The following CDH20 variants were observed in gnomAD, a reference collection of about 807,000 sequenced individuals.
The protein encoded by CDH20 is cadherin 20.
In CDH20, 29 loss-of-function variants were observed where a neutral mutation model predicts 74.2. The ratio of observed to expected loss-of-function variants is 0.39; its 90% CI spans 0.29 to 0.53. The LOEUF is 0.53. Ranked by LOEUF, CDH20 falls within the 20% of genes least tolerant of loss-of-function variation. The pLI is 0.69. For synonymous variants in CDH20, 469 were observed against 405.4 expected (o/e 1.16, Z -1.88); for missense variants, 988 against 1,048.3 (o/e 0.94, Z 0.79).
chr18:61,350,201 G>C (rs1910258785), intron 1 of CDH20, among the ~76,000 whole-genome samples: 1 of 152,028 alleles, frequency 6.6e-6, no homozygotes, highest in Non-Finnish European at 1.5e-5. Context: ...AGTGTTTATT[G>C]CTGTCTTCTT....
intron 6 of CDH20, among the ~76,000 whole-genome samples, chr18:61,526,116 G>C (rs915810325): frequency 7.4e-6 from 1 of 134,710 alleles, no homozygotes; most frequent in African/African-American, 2.8e-5. Context: ...TGGCCAAAAA[G>C]TTGACTTTTT....
intron 9 of CDH20, among the ~76,000 whole-genome samples, chr18:61,541,159 T>C (rs1046567524): frequency 3.3e-5 from 5 of 152,222 alleles, no homozygotes; most frequent in African/African-American, 1.2e-4. Flanking sequence ...TCATGTAAAA[T>C]TATGACTGCA....
chr18:61,369,947 A>G (rs1314446400), intron 1 of CDH20, among the ~76,000 whole-genome samples: 1 of 152,074 alleles, frequency 6.6e-6, no homozygotes, highest in East Asian at 1.9e-4. Context: ...AGGATCACGA[A>G]AAATAACTAA....
At chr18:61,547,036 T>G (rs1489714360) in intron 10 of CDH20, among the ~76,000 whole-genome samples, 2 of 152,166 alleles carry the variant, frequency 1.3e-5, no homozygotes, top group Non-Finnish European at 2.9e-5. Context: ...GAAAAACATA[T>G]TTTAAAAATT....
intron 6 of CDH20, among the ~76,000 whole-genome samples, chr18:61,510,969 T>C (rs1428069271): frequency 4.2e-5 from 1 of 23,882 alleles, no homozygotes; most frequent in African/African-American, 1.8e-4. Flanking sequence ...TTTTTCTTTC[T>C]TTCTTTCTTT....
intron 1 of CDH20, among the ~76,000 whole-genome samples, chr18:61,376,388 AAACT>A (rs1182790959): frequency 6.6e-6 from 1 of 152,162 alleles, no homozygotes; most frequent in Non-Finnish European, 1.5e-5. Flanking sequence ...ACTTTTCTCC[AAACT>A]ACTAGTAGTA....
At chr18:61,457,961 G>A (rs1364746150) in intron 1 of CDH20, among the ~76,000 whole-genome samples, 1 of 152,110 alleles carries the variant, frequency 6.6e-6, no homozygotes, top group Non-Finnish European at 1.5e-5. Context: ...CTCCTTTTAT[G>A]AGTAAAGGAG....
intron 1 of CDH20, among the ~76,000 whole-genome samples, chr18:61,361,747 AT>A (rs765940637): frequency 7.2e-5 from 11 of 151,950 alleles, no homozygotes; most frequent in East Asian, 3.9e-4. Context: ...CTTATTTAAA[AT>A]TTTTTTTCAT....
chr18:61,448,394 T>C (rs1483581000), intron 1 of CDH20, among the ~76,000 whole-genome samples: 1 of 152,136 alleles, frequency 6.6e-6, no homozygotes, highest in Non-Finnish European at 1.5e-5. Context: ...GGCACAAACA[T>C]CTTGAGTTTC....
chr18:61,402,377 C>T (rs886810359), intron 1 of CDH20, among the ~76,000 whole-genome samples: 2 of 152,138 alleles, frequency 1.3e-5, no homozygotes, highest in Non-Finnish European at 2.9e-5. Flanking sequence ...ACATAGATTT[C>T]CCCTGCCAGC....
chr18:61,535,527 C>T (rs1912791940), intron 7 of CDH20, among the ~76,000 whole-genome samples: 1 of 152,100 alleles, frequency 6.6e-6, no homozygotes, highest in Non-Finnish European at 1.5e-5. Flanking sequence ...TGAGATAACA[C>T]AACAGAATTG....
chr18:61,499,671 T>G (rs962623239), intron 3 of CDH20, among the ~76,000 whole-genome samples, 191 bp downstream of exon 3: 1 of 152,206 alleles, frequency 6.6e-6, no homozygotes, highest in Non-Finnish European at 1.5e-5. Flanking sequence ...GGAAGCTATA[T>G]AGACATTGGA....
At chr18:61,407,747 C>T (rs1221082601) in intron 1 of CDH20, among the ~76,000 whole-genome samples, 1 of 152,150 alleles carries the variant, frequency 6.6e-6, no homozygotes, top group Non-Finnish European at 1.5e-5. Flanking sequence ...AATTGGGGAA[C>T]ATTCTATCAA....
chr18:61,442,268 T>C (rs1291809193), intron 1 of CDH20, among the ~76,000 whole-genome samples: 1 of 151,730 alleles, frequency 6.6e-6, no homozygotes, highest in African/African-American at 2.4e-5. Flanking sequence ...GGAGGATCTC[T>C]TGAACCTAGG....
chr18:61,347,543 A>C (rs2014207), intron 1 of CDH20, among the ~76,000 whole-genome samples: 101,749 of 148,884 alleles, frequency 0.68, 35,023 homozygotes, highest in East Asian at 0.79. Flanking sequence ...AACAAACAAA[A>C]AAAAAACCAC....
intron 1 of CDH20, among the ~76,000 whole-genome samples, chr18:61,417,182 A>G (rs972714899): frequency 6.6e-6 from 1 of 152,200 alleles, no homozygotes; most frequent in Non-Finnish European, 1.5e-5. Flanking sequence ...TGGCTTTCAC[A>G]AAGAAATCAT....
intron 1 of CDH20, among the ~76,000 whole-genome samples, chr18:61,484,704 T>C (rs1326178468): frequency 2.6e-5 from 4 of 151,360 alleles, no homozygotes; most frequent in South Asian, 2.1e-4. Context: ...AATTATATAA[T>C]TCAAGCTTTC....
chr18:61,534,750 G>T (rs1301107311), intron 7 of CDH20, among the ~76,000 whole-genome samples: 1 of 152,166 alleles, frequency 6.6e-6, no homozygotes, highest in Non-Finnish European at 1.5e-5. Context: ...GGGTAAAAAG[G>T]AAAAAGAATC....
chr18:61,457,528 C>T (rs778468692), intron 1 of CDH20, among the ~76,000 whole-genome samples: 5 of 152,146 alleles, frequency 3.3e-5, no homozygotes, highest in Non-Finnish European at 7.4e-5. Context: ...AATATGACTA[C>T]TTCTTCCTAG....
Sources: allele counts gnomAD v4.1 joint callset (sites outside exome capture counted in the v4.1 genomes callset), GRCh38; gene constraint gnomAD v4.1.1; transcripts MANE v1.5; gene names NCBI Gene and HGNC (gene_info 2026-07-23, HGNC 2026-07-21).